NWD2: variants seen among roughly 807,000 people sequenced by gnomAD.
NWD2 encodes the protein NACHT and WD repeat domain containing 2.
In NWD2, 37 loss-of-function variants were observed where a neutral mutation model predicts 132.7. The observed-to-expected ratio is 0.28, with a 90% CI of 0.21 to 0.37. The LOEUF (loss-of-function observed/expected upper bound fraction) is 0.37, where lower values mean the gene tolerates loss of function less well. Among genes scored for constraint, NWD2 ranks in the 10% least tolerant of loss-of-function variants. The pLI is 1.00. For missense variants in NWD2, 1,592 were observed against 2,122.4 expected (o/e 0.75, Z 4.91); for synonymous variants, 705 against 803.0 (o/e 0.88, Z 2.06).
In NWD2 at chr4:37,444,224, C is replaced by T; in HGVS notation, c.2236C>T (p.Leu746=). 6.4e-7 allele frequency: 1 copy of T among 1,551,720 alleles called. No individual in the cohort carries two copies. Among genetic ancestry groups the T allele is most frequent in the Non-Finnish European group, 8.7e-7 (1 of 1,146,986 alleles). ...GCAGCTCATAGCCCAGAAGCTATAT[C>T]TGCAGGATGACAATGACCTGCGTGA... ...HLQLIAQKLY[L]QDDNDLREMH... The change falls in exon 7 of 7, where the codon CTG becomes TTG. Residue 746 remains leucine (L), a synonymous_variant. Coordinates refer to ENST00000309447, the MANE Select transcript of NWD2 (RefSeq NM_001144990.2). The surrounding 1 kb of genome is among the most constrained non-coding windows in gnomAD (Gnocchi z 4.8).
intron 2 of NWD2, among the ~76,000 whole-genome samples, chr4:37,340,407 T>C (rs747474894): frequency 3.3e-5 from 5 of 152,222 alleles, no homozygotes; most frequent in Admixed American, 6.5e-5. Context: ...CCTCATTTAT[T>C]ATTCAGACAT....
chr4:37,371,381 T>C (rs1279810229), intron 3 of NWD2, among the ~76,000 whole-genome samples: 1 of 152,074 alleles, frequency 6.6e-6, no homozygotes, highest in Non-Finnish European at 1.5e-5. Flanking sequence ...CAGCCAGAAG[T>C]TCAATATGTT....
At chr4:37,424,586 G>A (rs1711938399) in intron 3 of NWD2, among the ~76,000 whole-genome samples, 1 of 152,214 alleles carries the variant, frequency 6.6e-6, no homozygotes, top group Non-Finnish European at 1.5e-5. Flanking sequence ...TGGGAGAATA[G>A]GGCATTTAAA....
At chr4:37,281,715 C>A (rs992142629) in intron 1 of NWD2, among the ~76,000 whole-genome samples, 2 of 152,072 alleles carry the variant, frequency 1.3e-5, no homozygotes, top group Non-Finnish European at 2.9e-5. Context: ...GGTATTTGAG[C>A]TAGGTAGTGT....
chr4:37,321,675 T>G (rs549366866), intron 1 of NWD2, among the ~76,000 whole-genome samples: 1 of 152,342 alleles, frequency 6.6e-6, no homozygotes, highest in South Asian at 2.1e-4. Context: ...CATCCAGATT[T>G]GCCGTTGGTA....
At chr4:37,289,665 C>G (rs899468955) in intron 1 of NWD2, among the ~76,000 whole-genome samples, 9 of 152,144 alleles carry the variant, frequency 5.9e-5, no homozygotes. Flanking sequence ...GTAAAATTTA[C>G]ACAGTGAAAT....
At chr4:37,288,712 T>A (rs1718295977) in intron 1 of NWD2, among the ~76,000 whole-genome samples, 1 of 152,170 alleles carries the variant, frequency 6.6e-6, no homozygotes, top group Non-Finnish European at 1.5e-5. Context: ...AGTGGCAGAG[T>A]TTGTAGAAAA....
intron 2 of NWD2, among the ~76,000 whole-genome samples, chr4:37,351,534 A>T (rs191052453): frequency 2.0e-5 from 3 of 152,220 alleles, no homozygotes; most frequent in Admixed American, 6.5e-5. Context: ...TATCGCCTTT[A>T]TCATTTGTTA....
intron 1 of NWD2, among the ~76,000 whole-genome samples, chr4:37,257,807 G>T (rs187160154): frequency 2.0e-5 from 3 of 152,224 alleles, no homozygotes; most frequent in Admixed American, 2.0e-4. Context: ...AAGTTAATAA[G>T]TTACATCTCT....
chr4:37,343,440 A>G (rs773122340), intron 2 of NWD2, among the ~76,000 whole-genome samples: 5 of 152,184 alleles, frequency 3.3e-5, no homozygotes, highest in East Asian at 1.9e-4. Flanking sequence ...TTTAAAAGCT[A>G]TGTGTTATAT....
At chr4:37,303,323 T>A (rs890357048) in intron 1 of NWD2, among the ~76,000 whole-genome samples, 1 of 152,216 alleles carries the variant, frequency 6.6e-6, no homozygotes, top group African/African-American at 2.4e-5. Flanking sequence ...TCTGTTTTTA[T>A]ACCAGTATCA....
At position 37,339,476 on chromosome 4, in the gene NWD2, C is replaced by CAGCT. The variant is rs113663022; in HGVS notation, c.240+13454_240+13457dup. On this transcript the variant is annotated intron_variant, in intron 2 of 6. Coordinates refer to ENST00000309447, the MANE Select transcript of NWD2 (RefSeq NM_001144990.2). ...TGGGAGGCTCTAGAATTTACTGGAGCAGCTAAACTTTGCTGAGCATGTATT... is the reference window on the plus strand; with the variant it reads ...TGGGAGGCTCTAGAATTTACTGGAGCAGCTAGCTAAACTTTGCTGAGCATGTATT... 1.7e-3 allele frequency among the ~76,000 whole-genome samples: 253 copies of CAGCT among 152,292 alleles called. 2 individuals carry two copies. Among genetic ancestry groups the CAGCT allele is most frequent in the African/African-American group, 6.0e-3 (248 of 41,556 alleles).
At chr4:37,248,084 A>G (rs563166389) in intron 1 of NWD2, among the ~76,000 whole-genome samples, 3 of 152,316 alleles carry the variant, frequency 2.0e-5, no homozygotes, top group Admixed American at 2.0e-4. Context: ...GCCAGAATTC[A>G]TATAGCAGAG....
chr4:37,359,899 A>G (rs1719945443), intron 3 of NWD2, among the ~76,000 whole-genome samples: 1 of 152,202 alleles, frequency 6.6e-6, no homozygotes, highest in Non-Finnish European at 1.5e-5. Context: ...AGAGTGAGGG[A>G]GCCTGGACAT....
chr4:37,276,404 A>G (rs912631229), intron 1 of NWD2, among the ~76,000 whole-genome samples: 7 of 152,186 alleles, frequency 4.6e-5, no homozygotes, highest in Non-Finnish European at 7.4e-5. Context: ...AACCTCTCAC[A>G]CCAGTTAGAA....
At chr4:37,424,556 C>T (rs558938656) in intron 3 of NWD2, among the ~76,000 whole-genome samples, 2 of 152,278 alleles carry the variant, frequency 1.3e-5, no homozygotes, top group Admixed American at 1.3e-4. Flanking sequence ...GACCCACCTG[C>T]CTTGCTTCAG....
intron 1 of NWD2, among the ~76,000 whole-genome samples, chr4:37,318,598 C>T (rs1719005843): frequency 6.6e-6 from 1 of 152,032 alleles, no homozygotes; most frequent in South Asian, 2.1e-4. Context: ...CTCCCTACCT[C>T]CCCCACAGAA....
intron 1 of NWD2, among the ~76,000 whole-genome samples, chr4:37,285,939 A>G (rs994902664): frequency 7.2e-5 from 11 of 152,240 alleles, no homozygotes; most frequent in African/African-American, 2.4e-4. Context: ...CTCATCAGAT[A>G]TGTGTGAAAA....
chr4:37,344,688 G>A (rs975381669), intron 2 of NWD2, among the ~76,000 whole-genome samples: 4 of 152,078 alleles, frequency 2.6e-5, no homozygotes, highest in Admixed American at 6.6e-5. Context: ...GGTGTGTATG[G>A]TATTATTTTT....
Sources: gnomAD v4.1 joint callset for allele counts (sites outside exome capture counted in the v4.1 genomes callset) on GRCh38, gnomAD v4.1.1 for gene constraint, Gnocchi (gnomAD v3.1) non-coding constraint, MANE v1.5 for transcripts, NCBI Gene and HGNC (gene_info 2026-07-23, HGNC 2026-07-21) for gene names.